IL6ST: variants seen among roughly 807,000 people sequenced by gnomAD.
IL6ST encodes interleukin-6 receptor subunit beta.
In IL6ST, 24 loss-of-function variants were observed where a neutral mutation model predicts 91.3. The observed-to-expected ratio is 0.26, with a 90% CI of 0.19 to 0.37. IL6ST has a LOEUF of 0.37. Among genes scored for constraint, IL6ST ranks in the 10% least tolerant of loss-of-function variants. The pLI is 1.00. For missense variants in IL6ST, 914 were observed against 1,078.5 expected, an observed-to-expected ratio of 0.85 and a Z score of 2.14; for synonymous variants, 351 against 373.6, an observed-to-expected ratio of 0.94 and a Z score of 0.70.
At chr5:55,974,356 A>G (rs1257753990) in intron 3 of IL6ST, among the ~76,000 whole-genome samples, 1 of 152,160 alleles carries the variant, frequency 6.6e-6, no homozygotes, top group African/African-American at 2.4e-5. Flanking sequence ...ATAGGGTCTC[A>G]GTCTGCCACC....
intron 6 of IL6ST, 92 bp downstream of exon 6, chr5:55,964,054 T>C: frequency 1.7e-6 from 1 of 599,528 alleles, no homozygotes; most frequent in Non-Finnish European, 2.6e-6. Context: ...AAAATCTACA[T>C]TAAAATCTTA....
rs531338163 is a variant in IL6ST at position 55,976,762 on chromosome 5, A to G, written c.-15-469T>C. The stretch of plus-strand genomic sequence containing the variant: ...AACACCTAATAGAACAGGCAAACAT[A>G]TTTGAATAGTTTATAGAAAAGGAAA... On this transcript the variant is annotated intron_variant, in intron 2 of 16. Coordinates refer to ENST00000381298, the MANE Select transcript of IL6ST (RefSeq NM_002184.4). Among the ~76,000 whole-genome samples, 3 of 152,360 alleles carry G rather than the reference A, an allele frequency of 2.0e-5. No homozygotes were observed. The South Asian group carries it at 6.2e-4, about 32-fold the overall frequency.
At chr5:55,959,338 T>G (rs1457045515) in intron 8 of IL6ST, among the ~76,000 whole-genome samples, 1 of 152,218 alleles carries the variant, frequency 6.6e-6, no homozygotes, top group East Asian at 1.9e-4. Context: ...CTGCCTTTGA[T>G]GTTCTCAAGT....
intron 15 of IL6ST, among the ~76,000 whole-genome samples, chr5:55,943,175 CAA>C (rs1326784282): frequency 6.6e-6 from 1 of 152,042 alleles, no homozygotes. Context: ...AATGGTGCTT[CAA>C]AGAGTGAGAG....
At chr5:55,958,192 A>G (rs1752099620) in intron 8 of IL6ST, among the ~76,000 whole-genome samples, 1 of 152,148 alleles carries the variant, frequency 6.6e-6, no homozygotes, top group African/African-American at 2.4e-5. Flanking sequence ...TATAACCTTC[A>G]GCTCCTAGGC....
chr5:55,974,737 C>T (rs1444438745), intron 3 of IL6ST, among the ~76,000 whole-genome samples: 2 of 152,036 alleles, frequency 1.3e-5, no homozygotes, highest in Admixed American at 6.6e-5. Flanking sequence ...CCACCCATCT[C>T]GGCCTCCCAA....
At chr5:55,942,380 T>A (rs1750974516) in intron 16 of IL6ST, among the ~76,000 whole-genome samples, 1 of 152,176 alleles carries the variant, frequency 6.6e-6, no homozygotes, top group Admixed American at 6.5e-5. Context: ...CCTCAAGTTT[T>A]CAGTTTGCAA....
rs902387384 is a variant in IL6ST, at chr5:55,982,776, T to C, written c.-68A>G. 2 of 398,280 alleles carry C rather than the reference T, an allele frequency of 5.0e-6. No homozygotes were observed. The highest frequency in any genetic ancestry group is 8.9e-6 in the Non-Finnish European group (2 of 225,958). 24.7% of individuals were successfully genotyped at this position (398,280 alleles called of 1,614,324 possible). On this transcript the variant is annotated 5_prime_UTR_variant, in exon 2 of 17. Coordinates refer to ENST00000381298, the MANE Select transcript of IL6ST (RefSeq NM_002184.4). ...AGTAGGGATTTGAAGCTAAGTCTTC[T>C]ACTTCTAAATGTCATGCTTTTTCCA...
chr5:55,993,021 A>G (rs533933402), intron 1 of IL6ST, among the ~76,000 whole-genome samples: 29 of 152,244 alleles, frequency 1.9e-4, no homozygotes, highest in Non-Finnish European at 3.4e-4. Flanking sequence ...AAAGCACAAT[A>G]GGAACCTCAA....
At chr5:55,994,070 A>T (rs1263741376) in intron 1 of IL6ST, 2 of 147,610 alleles carry the variant, frequency 1.4e-5, no homozygotes, top group East Asian at 4.0e-4. Flanking sequence ...AAAAAAAAAA[A>T]GGTGACGTCT....
At chr5:55,984,326 C>T (rs1303516808) in intron 1 of IL6ST, among the ~76,000 whole-genome samples, 2 of 152,054 alleles carry the variant, frequency 1.3e-5, no homozygotes, top group African/African-American at 2.4e-5. Flanking sequence ...GAACTGTTCC[C>T]CCCAAAAAAT....
chr5:55,955,967 C>T (rs570673149), intron 10 of IL6ST, 58 bp downstream of exon 10: 3 of 1,119,558 alleles, frequency 2.7e-6, no homozygotes, highest in African/African-American at 3.1e-5. Context: ...GGAGCCCTGT[C>T]CATACCTAAC....
intron 14 of IL6ST, chr5:55,949,061 A>G (rs1751450821): frequency 6.6e-6 from 1 of 152,210 alleles, no homozygotes; most frequent in African/African-American, 2.4e-5. Context: ...AAATATATAC[A>G]AAGAAGACAC....
intron 4 of IL6ST, among the ~76,000 whole-genome samples, chr5:55,968,657 C>T (rs896124473): frequency 5.3e-5 from 8 of 152,250 alleles, no homozygotes; most frequent in African/African-American, 9.6e-5. Flanking sequence ...GTAAAATCAA[C>T]TTTCATTTAT....
In IL6ST at chr5:55,941,624, G is replaced by C; in HGVS notation, c.2215C>G (p.Pro739Ala). 1 of 1,614,084 alleles carries C rather than the reference G, an allele frequency of 6.2e-7. No homozygotes were observed. The highest frequency in any genetic ancestry group is 8.5e-7 in the Non-Finnish European group (1 of 1,179,974). Residue 739 changes from proline to alanine, a missense_variant, in exon 17 of 17, where the codon CCA becomes GCA. Coordinates refer to ENST00000381298, the MANE Select transcript of IL6ST (RefSeq NM_002184.4). ...GGSSCMSSSR[P>A]SISSSDENES... is the part of the protein sequence containing the mutation. ...TTTTCATCACTGCTAGAAATGCTTG[G>C]CCTAGAAGATGACATGCATGAAGAC...
At chr5:55,954,372 A>G (rs2111697386) in intron 11 of IL6ST, among the ~76,000 whole-genome samples, 1 of 152,312 alleles carries the variant, frequency 6.6e-6, no homozygotes, top group East Asian at 1.9e-4. Context: ...ACTACTTCCA[A>G]TTGAAAGACA....
chr5:55,968,492 T>G, intron 4 of IL6ST, 96 bp from the exon 5 acceptor site: 1 of 1,216,432 alleles, frequency 8.2e-7, no homozygotes, highest in Non-Finnish European at 1.2e-6. Context: ...CTAAATTAGA[T>G]GAAAAAAATC....
chr5:55,968,541 T>G (rs1752769258), intron 4 of IL6ST, 145 bp from the exon 5 acceptor site: 1 of 666,600 alleles, frequency 1.5e-6, no homozygotes, highest in African/African-American at 1.9e-5. Context: ...GAAAGGCTGA[T>G]GACAATTTCT....
intron 5 of IL6ST, among the ~76,000 whole-genome samples, chr5:55,966,532 A>G (rs1752639931): frequency 6.6e-6 from 1 of 152,084 alleles, no homozygotes; most frequent in African/African-American, 2.4e-5. Flanking sequence ...ATAATACTGA[A>G]CTCTAGTTCA....
Sources: allele counts gnomAD v4.1 joint callset (sites outside exome capture counted in the v4.1 genomes callset), GRCh38; gene constraint gnomAD v4.1.1; transcripts MANE v1.5; gene names NCBI Gene and HGNC (gene_info 2026-07-23, HGNC 2026-07-21).